PRIM2: variants seen among roughly 807,000 people sequenced by gnomAD.
PRIM2 encodes the protein DNA primase subunit 2.
PRIM2 carries 39 observed loss-of-function variants against 67.3 expected under a neutral mutation model. That is an observed-to-expected ratio of 0.58 (90% CI 0.45 to 0.76). The LOEUF (loss-of-function observed/expected upper bound fraction) is 0.76, where lower values mean the gene tolerates loss of function less well. Among genes scored for constraint, PRIM2 ranks in the 30% least tolerant of loss-of-function variants. PRIM2 has a pLI of 0.00. For synonymous variants in PRIM2, 143 were observed against 198.7 expected (o/e 0.72, Z 2.36); for missense variants, 398 against 598.7 (o/e 0.66, Z 3.50).
In PRIM2 at chr6:57,347,227, T is replaced by C. The variant is rs199595268; in HGVS notation, c.459+21182T>C. Among the ~76,000 whole-genome samples, 318 of 152,274 alleles carry C rather than the reference T, an allele frequency of 2.1e-3. 12 individuals carry two copies. The East Asian group carries it at 0.056, about 27-fold the overall frequency. ...AAGGAATAAGGCTTCTGTATGAATA[T>C]TGGAAAACCCAGAGGACTGTTTCCA... is the stretch of plus-strand genomic sequence containing the variant. On this transcript the variant is annotated intron_variant, in intron 5 of 13. Coordinates refer to ENST00000615550, the MANE Select transcript of PRIM2 (RefSeq NM_000947.5).
chr6:57,560,133 A>G (rs1437671108), intron 10 of PRIM2, among the ~76,000 whole-genome samples: 8 of 152,222 alleles, frequency 5.3e-5, no homozygotes, highest in Non-Finnish European at 1.0e-4. Flanking sequence ...GATGCTGTTT[A>G]TAAGTTAAGT....
At chr6:57,340,409 A>T (rs1768431920) in intron 5 of PRIM2, among the ~76,000 whole-genome samples, 1 of 152,190 alleles carries the variant, frequency 6.6e-6, no homozygotes, top group Admixed American at 6.5e-5. Flanking sequence ...ATGCACACAT[A>T]TGTTTATTGC....
At chr6:57,328,812 C>T (rs78260590) in intron 5 of PRIM2, among the ~76,000 whole-genome samples, 1,596 of 152,228 alleles carry the variant, frequency 0.01, 9 homozygotes, top group Middle Eastern at 0.02. Flanking sequence ...TTCTCCATAT[C>T]CTCACCAAAA....
At chr6:57,480,854 C>T (rs1255987231) in intron 7 of PRIM2, among the ~76,000 whole-genome samples, 1 of 152,188 alleles carries the variant, frequency 6.6e-6, no homozygotes, top group African/African-American at 2.4e-5. Context: ...TCTCCATTTC[C>T]TGACCTTGTG....
chr6:57,463,697 C>G (rs1350382118), intron 7 of PRIM2, among the ~76,000 whole-genome samples: 3 of 152,144 alleles, frequency 2.0e-5, no homozygotes, highest in Non-Finnish European at 4.4e-5. Context: ...CATTAGGGCA[C>G]TGAAACACAT....
chr6:57,419,834 G>A (rs1771405102), intron 7 of PRIM2, among the ~76,000 whole-genome samples: 1 of 152,088 alleles, frequency 6.6e-6, no homozygotes, highest in South Asian at 2.1e-4. Context: ...ATAGAAGACA[G>A]CACTCAAATT....
intron 12 of PRIM2, among the ~76,000 whole-genome samples, chr6:57,610,751 C>T (rs1776653046): frequency 6.6e-6 from 1 of 151,996 alleles, no homozygotes; most frequent in Non-Finnish European, 1.5e-5. Flanking sequence ...TAGACAAATC[C>T]ACAGTTATAT....
intron 7 of PRIM2, among the ~76,000 whole-genome samples, chr6:57,446,571 G>A (rs1407359491): frequency 6.6e-6 from 1 of 151,822 alleles, no homozygotes; most frequent in African/African-American, 2.4e-5. Flanking sequence ...CCGCCACCAT[G>A]CCTGGGGCTG....
chr6:57,467,294 AT>A (rs1773227514), intron 7 of PRIM2, among the ~76,000 whole-genome samples: 1 of 151,356 alleles, frequency 6.6e-6, no homozygotes, highest in African/African-American at 2.4e-5. Flanking sequence ...TCTTGAGTTA[AT>A]TTTTGTGAAA....
At chr6:57,468,707 C>T (rs1773265761) in intron 7 of PRIM2, among the ~76,000 whole-genome samples, 1 of 152,110 alleles carries the variant, frequency 6.6e-6, no homozygotes. Flanking sequence ...AATATTTTGT[C>T]TGATTAAATT....
chr6:57,361,024 G>T (rs1702502913), intron 5 of PRIM2, among the ~76,000 whole-genome samples: 1 of 152,062 alleles, frequency 6.6e-6, no homozygotes, highest in African/African-American at 2.4e-5. Context: ...GAAGGAGCGG[G>T]TATTTTATTA....
intron 5 of PRIM2, among the ~76,000 whole-genome samples, chr6:57,362,491 C>T (rs5001968): frequency 1.3e-5 from 2 of 151,990 alleles, no homozygotes; most frequent in Non-Finnish European, 2.9e-5. Context: ...TACTATGCTA[C>T]TGTTAGCTGC....
intron 7 of PRIM2, among the ~76,000 whole-genome samples, chr6:57,384,858 T>A (rs1484309250): frequency 6.6e-6 from 1 of 152,216 alleles, no homozygotes; most frequent in African/African-American, 2.4e-5. Flanking sequence ...AACCTAACTA[T>A]GAAAATGCAT....
intron 2 of PRIM2, 118 bp from the exon 3 acceptor site, chr6:57,320,339 T>G (rs1012907155): frequency 5.3e-5 from 33 of 620,854 alleles, no homozygotes; most frequent in Non-Finnish European, 8.8e-5. Flanking sequence ...GGAAATAAAC[T>G]GGCAATTACC....
At chr6:57,332,414 G>A (rs751120198) in intron 5 of PRIM2, among the ~76,000 whole-genome samples, 5 of 152,042 alleles carry the variant, frequency 3.3e-5, no homozygotes, top group South Asian at 2.1e-4. Flanking sequence ...TCAAAGCTTC[G>A]GTTTCCTTGT....
At chr6:57,302,578 A>G in the PRIM2 span, among the ~76,000 whole-genome samples, 1 of 152,348 alleles carries the variant, frequency 6.6e-6, no homozygotes, top group Non-Finnish European at 1.5e-5. Context: ...AGGCATAACT[A>G]CTAAAGCATA....
chr6:57,425,931 C>A (rs1562746376), intron 7 of PRIM2, among the ~76,000 whole-genome samples: 1 of 152,004 alleles, frequency 6.6e-6, no homozygotes, highest in East Asian at 1.9e-4. Flanking sequence ...CCAGAAGAGA[C>A]CCTGAACGTA....
the PRIM2 span, among the ~76,000 whole-genome samples, chr6:57,244,170 G>C: frequency 2.0e-5 from 3 of 152,116 alleles, no homozygotes; most frequent in Admixed American, 2.0e-4. Flanking sequence ...CATATTGACC[G>C]ATCAGAACTT....
intron 10 of PRIM2, among the ~76,000 whole-genome samples, chr6:57,595,270 G>A (rs1371513854): frequency 2.6e-5 from 4 of 152,110 alleles, no homozygotes; most frequent in African/African-American, 9.7e-5. Flanking sequence ...GAATGTTCAT[G>A]GCCACTTGAT....
Sources: gnomAD v4.1 joint callset for allele counts (sites outside exome capture counted in the v4.1 genomes callset) on GRCh38, gnomAD v4.1.1 for gene constraint, MANE v1.5 for transcripts, NCBI Gene and HGNC (gene_info 2026-07-23, HGNC 2026-07-21) for gene names.